ODF2: variants seen among roughly 807,000 people sequenced by gnomAD.
ODF2 encodes outer dense fiber protein 2.
ODF2 carries 47 observed loss-of-function variants against 110.2 expected under a neutral mutation model. The observed-to-expected ratio is 0.43, with a 90% CI of 0.34 to 0.54. The LOEUF (loss-of-function observed/expected upper bound fraction) is 0.54. ODF2 is among the 20% of genes least tolerant of loss of function. The pLI is 0.03. For missense variants in ODF2, 812 were observed against 1,054.5 expected (o/e 0.77, Z 3.19); for synonymous variants, 352 against 397.7 (o/e 0.89, Z 1.37).
intron 11 of ODF2, 148 bp from the exon 12 acceptor site, chr9:128,484,553 T>C: frequency 1.3e-6 from 1 of 792,136 alleles, no homozygotes; most frequent in Non-Finnish European, 2.0e-6. Context: ...TAGGGGAGCC[T>C]CTCACACAGC....
At chr9:128,476,297 C>CT (rs1376425425) in intron 8 of ODF2, among the ~76,000 whole-genome samples, 1 of 152,022 alleles carries the variant, frequency 6.6e-6, no homozygotes, top group Non-Finnish European at 1.5e-5. Flanking sequence ...CTTATTTTTG[C>CT]TTTTTTATTT....
At position 128,487,818 on chromosome 9, in the gene ODF2, C is replaced by A. The variant is rs1326568197; in HGVS notation, c.1401-72C>A. 1.0e-5 allele frequency: 16 copies of A among 1,533,910 alleles called. No homozygotes were observed. In the South Asian group the frequency reaches 1.3e-4, roughly 12 times the overall value. ...CAAACAAACAAAACACACACACACA[C>A]ACACACACACACACACAAACAAACC... On this transcript the variant is annotated intron_variant, in intron 13 of 20. Coordinates refer to ENST00000604420, the Ensembl canonical transcript of ODF2.
intron 10 of ODF2, 127 bp from the exon 11 acceptor site, chr9:128,483,811 A>G (rs1842869148): frequency 1.4e-6 from 1 of 725,836 alleles, no homozygotes; most frequent in Non-Finnish European, 2.5e-6. Flanking sequence ...GCTGGAGCCC[A>G]AGAGGTGGAG....
At chr9:128,471,213 C>T (rs919368281) in intron 5 of ODF2, 95 bp from the exon 6 acceptor site, 18 of 1,313,098 alleles carry the variant, frequency 1.4e-5, no homozygotes, top group Middle Eastern at 2.3e-4. Flanking sequence ...CACGCCCGGC[C>T]GGGGCCTTAT....
Position 128,481,659 on chromosome 9 carries a change from A to T in ODF2, c.915+8A>T. Reference sequence around the variant, plus strand: ...GCCGACTCAGAGAAAGCGGTAACTAAGGCTGCCCTTGTCTACTCTAGTGGG... The same window carrying T: ...GCCGACTCAGAGAAAGCGGTAACTATGGCTGCCCTTGTCTACTCTAGTGGG... On this transcript the variant is annotated splice_region_variant and intron_variant, in intron 9 of 20. Transcript: ENST00000604420. 1 of 1,612,580 alleles carries T rather than the reference A, an allele frequency of 6.2e-7. No homozygotes were observed. The highest frequency in any genetic ancestry group is 8.5e-7 in the Non-Finnish European group (1 of 1,178,826).
At chr9:128,457,436 A>G in exon 2 of ODF2, 2 of 1,610,636 alleles carry the variant, frequency 1.2e-6, no homozygotes, top group Non-Finnish European at 1.7e-6. Context: ...CGGCTCCCCC[A>G]GGTATTGCCG....
At position 128,460,582 on chromosome 9, in the gene ODF2, C is replaced by T. The variant is rs1836176602; in HGVS notation, c.124-360C>T. 4 of 1,613,984 alleles carry T rather than the reference C, an allele frequency of 2.5e-6. No homozygotes were observed. The East Asian group carries it at 8.9e-5, about 36-fold the overall frequency. The stretch of plus-strand genomic sequence containing the variant: ...CCATGAAGGACCGCTCTTCAACTCC[C>T]CCCTTACATGTTCACGTGGATGAGA... On this transcript the variant is annotated intron_variant, in intron 3 of 20. Transcript: ENST00000604420.
chr9:128,457,088 G>GT, intron 1 of ODF2: 1 of 1,359,192 alleles, frequency 7.4e-7, no homozygotes, highest in Admixed American at 2.5e-5. Flanking sequence ...TCCTCCGCGT[G>GT]GGACCCGGGC....
chr9:128,473,170 T>C (rs1328240545), intron 7 of ODF2, 128 bp downstream of exon 7: 14 of 1,479,128 alleles, frequency 9.5e-6, no homozygotes, highest in Non-Finnish European at 1.3e-5. Context: ...GAGAGCACGC[T>C]TAACTAGGCC....
intron 9 of ODF2, 141 bp downstream of exon 9, chr9:128,481,792 G>A: frequency 1.7e-6 from 1 of 605,038 alleles, no homozygotes; most frequent in South Asian, 2.1e-5. Flanking sequence ...TGTAAAATGG[G>A]CTGATGTCCT....
At position 128,460,361 on chromosome 9, in the gene ODF2, T is replaced by C. The variant is rs1046037595; in HGVS notation, c.124-581T>C. ...TCTCCCTTGTGGTCTTCTGCTGGGA[T>C]CTCTGCAGGAGCCTGCTGAATGATA... On this transcript the variant is annotated intron_variant, in intron 3 of 20. Coordinates refer to ENST00000604420, the Ensembl canonical transcript of ODF2. 6.3e-6 allele frequency: 9 copies of C among 1,434,814 alleles called. No individual in the cohort carries two copies. In the African/African-American group the frequency reaches 1.0e-4, roughly 16 times the overall value. 88.9% of individuals were successfully genotyped at this position (1,434,814 alleles called of 1,614,324 possible). A position where few individuals can be genotyped will look rare whatever the true frequency, so the allele number is the denominator to read the frequency against.
At position 128,499,990 on chromosome 9, in the gene ODF2, A is replaced by G. The variant is rs1846282634; in HGVS notation, c.2302-77A>G. 2.9e-5 allele frequency: 44 copies of G among 1,533,340 alleles called. No homozygotes were observed. In the South Asian group the frequency reaches 4.9e-4, roughly 17 times the overall value. The allele number at this position is 1,533,340 out of a possible 1,614,324, so 95.0% of individuals were successfully genotyped here. A position where few individuals can be genotyped will look rare whatever the true frequency, so the allele number is the denominator to read the frequency against. On this transcript the variant is annotated intron_variant, in intron 20 of 20. Transcript: ENST00000604420. Reference sequence around the variant, plus strand: ...CTCCCCAAACCTCCTGGCAACTCCTAAGAAAGTCCCTATGTCTCTATGGAT... The same window carrying G: ...CTCCCCAAACCTCCTGGCAACTCCTGAGAAAGTCCCTATGTCTCTATGGAT...
intron 2 of ODF2, among the ~76,000 whole-genome samples, 157 bp from the exon 2 acceptor site, chr9:128,459,410 A>T (rs1245303816): frequency 6.6e-6 from 1 of 152,146 alleles, no homozygotes; most frequent in African/African-American, 2.4e-5. Context: ...CACCACGCAC[A>T]TCTGGTGCTC....
intron 1 of ODF2, 98 bp downstream of exon 1, chr9:128,456,353 G>A (rs1419698781): frequency 4.9e-6 from 7 of 1,434,276 alleles, no homozygotes; most frequent in Non-Finnish European, 6.3e-6. Flanking sequence ...CCGCGGGGCC[G>A]TCGGGTCCTG....
At position 128,457,452 on chromosome 9, in the gene ODF2, G is replaced by T. The variant is rs771036896; in HGVS notation, c.32+15G>T. Reference sequence around the variant, plus strand: ...GGCTCCCCCAGGTATTGCCGATGTGGGAGGCGCCTGCGCCGGAGGGCAGGG... The same window carrying T: ...GGCTCCCCCAGGTATTGCCGATGTGTGAGGCGCCTGCGCCGGAGGGCAGGG... On this transcript the variant is annotated intron_variant, in intron 2 of 20. Transcript: ENST00000604420. 28 of 1,606,294 alleles carry T rather than the reference G, an allele frequency of 1.7e-5. No individual in the cohort carries two copies. In the East Asian group the frequency reaches 6.3e-4, roughly 36 times the overall value.
exon 4 of ODF2, chr9:128,461,020 A>T: frequency 1.9e-6 from 3 of 1,614,142 alleles, no homozygotes; most frequent in Non-Finnish European, 2.5e-6. Flanking sequence ...GGTACCTTGG[A>T]TGCCCCCTGG....
intron 2 of ODF2, among the ~76,000 whole-genome samples, chr9:128,457,794 G>A (rs914717030): frequency 6.6e-6 from 1 of 152,042 alleles, no homozygotes; most frequent in Non-Finnish European, 1.5e-5. Context: ...ATGGAATCCA[G>A]GTGGTTTGAC....
At chr9:128,473,121 G>C (rs1840433355) in intron 7 of ODF2, 79 bp downstream of exon 7, 4 of 1,589,504 alleles carry the variant, frequency 2.5e-6, no homozygotes, top group Non-Finnish European at 3.4e-6. Context: ...GGGTCTTTAC[G>C]CGTCATCAGG....
chr9:128,463,368 C>T (rs1837005812), intron 4 of ODF2, among the ~76,000 whole-genome samples: 1 of 151,742 alleles, frequency 6.6e-6, no homozygotes, highest in Non-Finnish European at 1.5e-5. Context: ...CCTGTGATCC[C>T]AGCACTTTGG....
Sources: allele counts gnomAD v4.1 joint callset (sites outside exome capture counted in the v4.1 genomes callset), GRCh38; gene constraint gnomAD v4.1.1; transcripts MANE v1.5; gene names NCBI Gene and HGNC (gene_info 2026-07-23, HGNC 2026-07-21).